CDH8: variants seen among roughly 807,000 people sequenced by gnomAD.
CDH8 encodes cadherin 8.
CDH8 carries 17 observed loss-of-function variants against 68.1 expected under a neutral mutation model. The observed-to-expected ratio is 0.25, with a 90% confidence interval of 0.17 to 0.37. The LOEUF is 0.37. Ranked by LOEUF, CDH8 falls within the 10% of genes least tolerant of loss-of-function variation. The probability of loss-of-function intolerance (pLI) is 1.00; values close to 1 mark genes in which losing one functional copy is unlikely to be tolerated. For synonymous variants in CDH8, 372 were observed against 365.1 expected (o/e 1.02, Z -0.21); for missense variants, 763 against 999.3 (o/e 0.76, Z 3.19).
chr16:61,796,325 T>C (rs909213680), intron 7 of CDH8, among the ~76,000 whole-genome samples: 9 of 152,088 alleles, frequency 5.9e-5, no homozygotes, highest in African/African-American at 2.2e-4. Flanking sequence ...GAATTGTGCA[T>C]ATATTGGATT....
chr16:61,725,794 C>A (rs905497851), intron 9 of CDH8: 9 of 150,770 alleles, frequency 6.0e-5, no homozygotes, highest in African/African-American at 2.2e-4. Context: ...TAAAAATAAA[C>A]CTATATCTCT....
chr16:61,901,125 G>A lies in CDH8; in HGVS notation c.547+54C>T, dbSNP rs1039236107. 3 of 1,437,678 alleles carry A rather than the reference G, an allele frequency of 2.1e-6. No homozygotes were observed. The African/African-American group carries it at 4.2e-5, about 20-fold the overall frequency. 89.1% of individuals were successfully genotyped at this position (1,437,678 alleles called of 1,614,324 possible). On this transcript the variant is annotated intron_variant, in intron 3 of 11. Coordinates refer to ENST00000577390, the MANE Select transcript of CDH8 (RefSeq NM_001796.5). ...AGCAATACACCATCCTTGATGCCAG[G>A]AGCTATTCTAAAGATGACTTTTAAT...
intron 3 of CDH8, among the ~76,000 whole-genome samples, chr16:61,879,000 T>A (rs970061298): frequency 1.3e-5 from 2 of 152,188 alleles, no homozygotes; most frequent in African/African-American, 4.8e-5. Context: ...ATCCCTTCTA[T>A]CTGAGTAAGA....
At chr16:61,856,006 G>T (rs1420449692) in intron 4 of CDH8, among the ~76,000 whole-genome samples, 1 of 151,836 alleles carries the variant, frequency 6.6e-6, no homozygotes, top group Non-Finnish European at 1.5e-5. Context: ...TCAATTTTAC[G>T]CCCTGACCTA....
chr16:61,747,758 A>T (rs1401501556), intron 8 of CDH8, among the ~76,000 whole-genome samples: 1 of 151,994 alleles, frequency 6.6e-6, no homozygotes, highest in Non-Finnish European at 1.5e-5. Context: ...AAATTAAAAA[A>T]AAATTGTTGG....
At chr16:61,720,903 A>G (rs1959212018) in intron 9 of CDH8, among the ~76,000 whole-genome samples, 3 of 150,830 alleles carry the variant, frequency 2.0e-5, no homozygotes, top group Non-Finnish European at 4.5e-5. Context: ...TTTGCTTTGT[A>G]GACCACAAGA....
chr16:61,958,557 G>T (rs905314151), intron 2 of CDH8, among the ~76,000 whole-genome samples: 3 of 152,110 alleles, frequency 2.0e-5, no homozygotes, highest in Admixed American at 2.0e-4. Context: ...AAATATAAAG[G>T]TTAGAAGGGT....
rs1963370053 is a variant in CDH8 at position 61,653,492 on chromosome 16, G to C, written c.*116C>G. On this transcript the variant is annotated 3_prime_UTR_variant, in exon 12 of 12. Transcript: ENST00000577390. ...ACATTAAAATGTGGTTGAGTTTATA[G>C]ATGACTGGTGCTAAACTTGCCTCTA... is the stretch of plus-strand genomic sequence containing the variant. The C allele has an allele frequency of 6.7e-7, 1 of 1,486,724 alleles. No individual in the cohort carries two copies. The highest frequency in any genetic ancestry group is 8.9e-7 in the Non-Finnish European group (1 of 1,119,562). 92.1% of individuals were successfully genotyped at this position (1,486,724 alleles called of 1,614,324 possible).
At chr16:61,977,512 T>A (rs1965457321) in intron 2 of CDH8, among the ~76,000 whole-genome samples, 1 of 152,070 alleles carries the variant, frequency 6.6e-6, no homozygotes. Context: ...TCTATAAAAG[T>A]GTGAGTCTGA....
chr16:61,917,386 C>T (rs982092325), intron 2 of CDH8, among the ~76,000 whole-genome samples: 3 of 152,134 alleles, frequency 2.0e-5, no homozygotes, highest in African/African-American at 7.2e-5. Flanking sequence ...GTCAGACAGC[C>T]TGGGCTCTGT....
intron 7 of CDH8, among the ~76,000 whole-genome samples, chr16:61,801,798 C>G (rs1434624249): frequency 1.3e-5 from 2 of 152,264 alleles, no homozygotes; most frequent in Non-Finnish European, 2.9e-5. Flanking sequence ...TATCCCACAC[C>G]TGGCTCGGAG....
In CDH8 at chr16:61,702,574, T is replaced by C. The variant is rs528154908; in HGVS notation, c.1654+11267A>G. 2.0e-5 allele frequency among the ~76,000 whole-genome samples: 3 copies of C among 152,314 alleles called. No individual in the cohort carries two copies. In the South Asian group the frequency reaches 6.2e-4, roughly 32 times the overall value. On this transcript the variant is annotated intron_variant, in intron 10 of 11. Coordinates refer to ENST00000577390, the MANE Select transcript of CDH8 (RefSeq NM_001796.5). ...TGATCTAGACCTGTAATACCTGAAA[T>C]AGATCATTTTGATTGTTTCTATCTT...
chr16:61,981,526 T>C (rs1965528254), intron 2 of CDH8, among the ~76,000 whole-genome samples: 1 of 152,174 alleles, frequency 6.6e-6, no homozygotes, highest in Admixed American at 6.5e-5. Flanking sequence ...AGAGTCAGTT[T>C]CCCTGGATAT....
intron 10 of CDH8, among the ~76,000 whole-genome samples, chr16:61,699,139 T>G (rs1442263425): frequency 1.3e-5 from 2 of 152,168 alleles, no homozygotes; most frequent in Non-Finnish European, 2.9e-5. Context: ...ACTAAAAATC[T>G]CTGCTACTTT....
chr16:61,652,908 A>T lies in CDH8; in HGVS notation c.*700T>A, dbSNP rs1963356102. 3 of 1,527,244 alleles carry T rather than the reference A, an allele frequency of 2.0e-6. No homozygotes were observed. In the East Asian group the frequency reaches 7.4e-5, roughly 38 times the overall value. 94.6% of individuals were successfully genotyped at this position (1,527,244 alleles called of 1,614,324 possible). On this transcript the variant is annotated 3_prime_UTR_variant, in exon 12 of 12. Coordinates refer to ENST00000577390, the MANE Select transcript of CDH8 (RefSeq NM_001796.5). ...ACGAGGAATCCTGCTTCTAGAAAAC[A>T]AGCATGTTTGAATGGGATTTCTCTC...
intron 5 of CDH8, among the ~76,000 whole-genome samples, chr16:61,821,356 A>G (rs919839740): frequency 2.0e-5 from 3 of 152,024 alleles, no homozygotes; most frequent in Non-Finnish European, 4.4e-5. Flanking sequence ...GAGATATGAA[A>G]CTTACTCAAC....
At chr16:61,782,369 C>T (rs1336805198) in intron 8 of CDH8, among the ~76,000 whole-genome samples, 4 of 152,202 alleles carry the variant, frequency 2.6e-5, no homozygotes, top group East Asian at 3.9e-4. Context: ...CCGAATATTG[C>T]GCTTTTCAGA....
intron 8 of CDH8, among the ~76,000 whole-genome samples, chr16:61,764,837 A>G (rs1960549135): frequency 6.6e-6 from 1 of 152,112 alleles, no homozygotes; most frequent in Admixed American, 6.6e-5. Context: ...ATGAGCTAAC[A>G]TTTGTAAATC....
intron 8 of CDH8, among the ~76,000 whole-genome samples, chr16:61,771,721 A>T (rs1960784066): frequency 6.6e-6 from 1 of 151,976 alleles, no homozygotes; most frequent in African/African-American, 2.4e-5. Context: ...ACCCACACAT[A>T]CATATATTCT....
Sources: gnomAD v4.1 joint callset for allele counts (sites outside exome capture counted in the v4.1 genomes callset) on GRCh38, gnomAD v4.1.1 for gene constraint, MANE v1.5 for transcripts, NCBI Gene and HGNC (gene_info 2026-07-23, HGNC 2026-07-21) for gene names.